GRIK1: variants seen among roughly 807,000 people sequenced by gnomAD.
GRIK1 encodes glutamate ionotropic receptor kainate type subunit 1, also known as glutamate receptor ionotropic, kainate 1.
Under a neutral mutation model 105.7 loss-of-function variants are expected in GRIK1, and 69 were observed. The observed-to-expected ratio is 0.65, with a 90% CI of 0.54 to 0.80. The LOEUF is 0.80. Ranked by LOEUF, GRIK1 falls within the 30% of genes least tolerant of loss-of-function variation. The pLI is 0.00. For missense variants in GRIK1, 1,109 were observed against 1,167.3 expected (o/e 0.95, Z 0.73); for synonymous variants, 438 against 431.3 (o/e 1.02, Z -0.19).
chr21:29,587,612 G>T, intron 11 of GRIK1, 23 bp from the exon 12 acceptor site: 2 of 1,405,406 alleles, frequency 1.4e-6, no homozygotes, highest in South Asian at 1.2e-5. Context: ...GTCCAAAATT[G>T]TCAGCTTAGT....
At position 29,555,236 on chromosome 21, in the gene GRIK1, A is replaced by T. The variant is rs776484222; in HGVS notation, c.2423T>A (p.Met808Lys). 6.2e-7 allele frequency: 1 copy of T among 1,613,640 alleles called. No homozygotes were observed. Among genetic ancestry groups the T allele is most frequent in the Non-Finnish European group, 8.5e-7 (1 of 1,179,662 alleles). The change falls in exon 16 of 18, where the codon ATG (methionine) becomes AAG (lysine). Residue 808 changes from methionine to lysine, a missense_variant. This residue lies in a region of GRIK1 where 18 missense variants were observed against 42.8 expected (regional missense o/e 0.42). Transcript: ENST00000327783. ...CCCACGCCACCACTTCTCTTTCATCATATGCAGCTTCCCTTCTTCTTGGAG... is the reference window on the plus strand; with the variant it reads ...CCCACGCCACCACTTCTCTTTCATCTTATGCAGCTTCCCTTCTTCTTGGAG... ...LQLQEEGKLH[M>K]MKEKWWRGNG...
At chr21:29,867,819 TGAAAGAAAGAAA>T (rs1229314777) in intron 1 of GRIK1, among the ~76,000 whole-genome samples, 4 of 45,926 alleles carry the variant, frequency 8.7e-5, no homozygotes, top group Non-Finnish European at 1.6e-4. Context: ...AAAGAAAGAA[TGAAAGAAAGAAA>T]GAAAGAAAGA....
chr21:29,887,495 C>A (rs1158684373), intron 1 of GRIK1, among the ~76,000 whole-genome samples: 1 of 152,150 alleles, frequency 6.6e-6, no homozygotes. Flanking sequence ...ATTGAGCAAT[C>A]ATGTTAGCAC....
At position 29,765,891 on chromosome 21, in the gene GRIK1, A is replaced by G. The variant is rs562818252; in HGVS notation, c.119-71828T>C. Among the ~76,000 whole-genome samples, 209 of 150,378 alleles carry G rather than the reference A, an allele frequency of 1.4e-3. 1 individual carries two copies. Among genetic ancestry groups the G allele is most frequent in the African/African-American group, 3.2e-3 (133 of 41,116 alleles). ...TTTTGAGACAGAATCTCGCTCTGTC[A>G]CCCAGGCTGGAGTGCAGTGGCGCGA... On this transcript the variant is annotated intron_variant, in intron 1 of 17. Transcript: ENST00000327783.
At chr21:29,769,634 C>T (rs1174197253) in intron 1 of GRIK1, among the ~76,000 whole-genome samples, 1 of 152,150 alleles carries the variant, frequency 6.6e-6, no homozygotes, top group Non-Finnish European at 1.5e-5. Flanking sequence ...CACTTACCCG[C>T]TGGCCACTCA....
rs143682092 is a variant in GRIK1, at chr21:29,816,611, A to G, written c.119-122548T>C. Among the ~76,000 whole-genome samples, 171 of 152,274 alleles carry G rather than the reference A, an allele frequency of 1.1e-3. 1 individual carries two copies. The highest frequency in any genetic ancestry group is 3.9e-3 in the African/African-American group (164 of 41,574). ...ACACAGTGTAATACTATTCAGCCAT[A>G]AATAAAGAATGAAATCCTGTCATTT... On this transcript the variant is annotated intron_variant, in intron 1 of 17. Transcript: ENST00000327783.
At chr21:29,625,812 G>A (rs2062114367) in intron 7 of GRIK1, among the ~76,000 whole-genome samples, 1 of 152,154 alleles carries the variant, frequency 6.6e-6, no homozygotes, top group South Asian at 2.1e-4. Flanking sequence ...TGATTGCAAA[G>A]TGAATGTTTC....
At chr21:29,781,657 CTTTTTTTTTTTTTT>C (rs71191125) in intron 1 of GRIK1, among the ~76,000 whole-genome samples, 4 of 69,276 alleles carry the variant, frequency 5.8e-5, no homozygotes, top group African/African-American at 2.2e-4. Flanking sequence ...CCTACTGTTT[CTTTTTTTTTTTTTT>C]TTTTTTTTTT....
intron 1 of GRIK1, among the ~76,000 whole-genome samples, chr21:29,773,041 G>A (rs922288607): frequency 2.9e-4 from 44 of 152,180 alleles, no homozygotes; most frequent in African/African-American, 1.0e-3. Flanking sequence ...AGGGAGAGGA[G>A]GCTGATAAGG....
At chr21:29,600,429 C>T (rs1023917262) in intron 7 of GRIK1, among the ~76,000 whole-genome samples, 13 of 152,174 alleles carry the variant, frequency 8.5e-5, no homozygotes, top group Non-Finnish European at 4.4e-5. Context: ...TCTTCAGCTT[C>T]AATCATTAGG....
chr21:29,708,027 G>T (rs2063959461), intron 1 of GRIK1, among the ~76,000 whole-genome samples: 1 of 152,100 alleles, frequency 6.6e-6, no homozygotes, highest in African/African-American at 2.4e-5. Context: ...GAAACATAAG[G>T]TATAAACAGT....
chr21:29,537,499 G>T, intron 17 of GRIK1, 114 bp from the exon 18 acceptor site: 1 of 836,562 alleles, frequency 1.2e-6, no homozygotes, highest in Non-Finnish European at 1.9e-6. Flanking sequence ...AGGCAGCTCT[G>T]TCACAATTGG....
intron 4 of GRIK1, among the ~76,000 whole-genome samples, chr21:29,660,012 C>T (rs1275266020): frequency 3.3e-5 from 5 of 151,994 alleles, no homozygotes; most frequent in African/African-American, 1.2e-4. Context: ...ACAAAAAACC[C>T]TCACTGCCAG....
At chr21:29,736,627 C>T (rs73354549) in intron 1 of GRIK1, among the ~76,000 whole-genome samples, 3,073 of 151,444 alleles carry the variant, frequency 0.02, 106 homozygotes, top group African/African-American at 0.071. Context: ...TTACTTTAGA[C>T]TTTAACAATG....
At chr21:29,699,729 A>G (rs71321304) in intron 1 of GRIK1, among the ~76,000 whole-genome samples, 1 of 151,380 alleles carries the variant, frequency 6.6e-6, no homozygotes, top group Non-Finnish European at 1.5e-5. Context: ...GCTCACTGCA[A>G]CCTCCAGCTC....
intron 7 of GRIK1, chr21:29,630,747 C>G: frequency 5.4e-6 from 2 of 370,148 alleles, no homozygotes; most frequent in East Asian, 1.5e-4. Flanking sequence ...GTTTTAACAT[C>G]CCTAGTTTGT....
intron 6 of GRIK1, among the ~76,000 whole-genome samples, chr21:29,650,203 A>T (rs363523): frequency 6.6e-6 from 1 of 151,936 alleles, no homozygotes; most frequent in African/African-American, 2.4e-5. Context: ...TTAGTTCTTC[A>T]CTTTCATTTG....
At chr21:29,869,305 A>G (rs995475063) in intron 1 of GRIK1, among the ~76,000 whole-genome samples, 2 of 152,240 alleles carry the variant, frequency 1.3e-5, no homozygotes, top group South Asian at 2.1e-4. Flanking sequence ...AAATTATGCA[A>G]CCGGGACCTA....
intron 13 of GRIK1, among the ~76,000 whole-genome samples, chr21:29,579,028 A>G (rs1358365644): frequency 6.6e-6 from 1 of 152,168 alleles, no homozygotes; most frequent in Non-Finnish European, 1.5e-5. Context: ...GTATATTTGT[A>G]TAATTATGTA....
Sources: allele counts gnomAD v4.1 joint callset (sites outside exome capture counted in the v4.1 genomes callset), GRCh38; gene constraint gnomAD v4.1.1; regional missense constraint gnomAD v4.1.1; transcripts MANE v1.5; gene names NCBI Gene and HGNC (gene_info 2026-07-23, HGNC 2026-07-21).